The following MLIP variants were observed in gnomAD, a reference collection of about 807,000 sequenced individuals.
MLIP encodes muscular LMNA-interacting protein.
In MLIP, 79 loss-of-function variants were observed where a neutral mutation model predicts 84.8. The observed-to-expected ratio is 0.93, with a 90% CI of 0.78 to 1.12. MLIP has a LOEUF of 1.12. Among genes scored for constraint, MLIP ranks in the 50% most tolerant of loss-of-function variants. The pLI is 0.00. For synonymous variants in MLIP, 504 were observed against 463.0 expected, an observed-to-expected ratio of 1.09 and a Z score of -1.14; for missense variants, 1,257 against 1,160.6, an observed-to-expected ratio of 1.08 and a Z score of -1.21.
chr6:54,080,569 G>A (rs113875333), intron 1 of MLIP, among the ~76,000 whole-genome samples: 17 of 151,590 alleles, frequency 1.1e-4, no homozygotes, highest in African/African-American at 2.7e-4. Flanking sequence ...ATTATACAGC[G>A]ATAGTTTTGC....
intron 11 of MLIP, chr6:54,215,055 C>A: frequency 1.1e-6 from 1 of 933,328 alleles, no homozygotes; most frequent in Non-Finnish European, 1.6e-6. Context: ...ATTCTGGACC[C>A]TGGTCTCTGC....
At chr6:54,252,668 G>C (rs866836142) in intron 12 of MLIP, among the ~76,000 whole-genome samples, 1 of 151,498 alleles carries the variant, frequency 6.6e-6, no homozygotes, top group Middle Eastern at 3.4e-3. Flanking sequence ...GTTTATATGA[G>C]ATCTTTAGCT....
rs1783673710 is a variant in MLIP at position 54,266,233 on chromosome 6, G to A, written c.*278G>A. 1 of 346,346 alleles carries A rather than the reference G, an allele frequency of 2.9e-6. No individual in the cohort carries two copies. Among genetic ancestry groups the A allele is most frequent in the East Asian group, 4.6e-5 (1 of 21,974 alleles). 21.5% of individuals were successfully genotyped at this position (346,346 alleles called of 1,614,324 possible). On this transcript the variant is annotated 3_prime_UTR_variant, in exon 14 of 14. Coordinates refer to ENST00000502396, the MANE Select transcript of MLIP (RefSeq NM_001281747.2). ...ATTAAGCTGACCGCAATACTAACGT[G>A]CCCCTATATTTGGCAGCCAAATAAA...
In MLIP at chr6:54,215,000, C is replaced by T. The variant is rs917391880; in HGVS notation, c.2718+12767C>T. On this transcript the variant is annotated intron_variant, in intron 11 of 13. Transcript: ENST00000502396. ...GTGATTCCCCAGGAAATAAAGGAGACGATATCCCTCCCTCATGTAGCTTAG... is the reference window on the plus strand; with the variant it reads ...GTGATTCCCCAGGAAATAAAGGAGATGATATCCCTCCCTCATGTAGCTTAG... The T allele has an allele frequency of 1.0e-4, 59 of 592,526 alleles. 1 individual carries two copies. Among genetic ancestry groups the T allele is most frequent in the South Asian group, 8.2e-4 (36 of 44,026 alleles). 36.7% of individuals were successfully genotyped at this position (592,526 alleles called of 1,614,324 possible).
At chr6:54,254,770 T>G (rs1782887209) in intron 12 of MLIP, among the ~76,000 whole-genome samples, 2 of 140,940 alleles carry the variant, frequency 1.4e-5, no homozygotes, top group Non-Finnish European at 1.5e-5. Context: ...CTTCCTTCCC[T>G]TCCTCCCTCC....
In MLIP at chr6:54,202,113, T is replaced by A; in HGVS notation, c.2598T>A (p.Pro866=). The A allele has an allele frequency of 6.3e-7, 1 of 1,584,834 alleles. No homozygotes were observed. The change falls in exon 11 of 14, where the codon CCT becomes CCA. Residue 866 remains proline (P), a synonymous_variant. Coordinates refer to ENST00000502396, the MANE Select transcript of MLIP (RefSeq NM_001281747.2). ...STVSESQLTK[P]GVIRPVPVKS... is the part of the protein sequence containing the mutation. Reference sequence around the variant, plus strand: ...ATTTTACATTCATGAAGACTAAGCCTGGAGTAATTCGCCCAGTACCTGTAA... The same window carrying A: ...ATTTTACATTCATGAAGACTAAGCCAGGAGTAATTCGCCCAGTACCTGTAA...
chr6:54,050,765 G>A (rs1043777804), intron 1 of MLIP, among the ~76,000 whole-genome samples: 28 of 152,034 alleles, frequency 1.8e-4, no homozygotes, highest in African/African-American at 6.8e-4. Flanking sequence ...AGCTGTATGG[G>A]CATCATGGTA....
At chr6:54,100,799 A>G (rs778724364) in intron 1 of MLIP, among the ~76,000 whole-genome samples, 1 of 152,128 alleles carries the variant, frequency 6.6e-6, no homozygotes, top group Non-Finnish European at 1.5e-5. Flanking sequence ...TCTTGCCTTC[A>G]TGGATGATTG....
chr6:54,192,710 T>A (rs923134027), intron 10 of MLIP, among the ~76,000 whole-genome samples: 24 of 152,042 alleles, frequency 1.6e-4, no homozygotes, highest in Non-Finnish European at 5.9e-5. Flanking sequence ...TATATACACA[T>A]CTTTGTTTAT....
chr6:54,078,837 G>A (rs186694040), intron 1 of MLIP, among the ~76,000 whole-genome samples: 14 of 151,760 alleles, frequency 9.2e-5, no homozygotes, highest in South Asian at 4.2e-4. Flanking sequence ...GATTATAGGC[G>A]CCTGCCACCA....
intron 12 of MLIP, among the ~76,000 whole-genome samples, chr6:54,253,047 A>G (rs1243698399): frequency 6.6e-6 from 1 of 152,088 alleles, no homozygotes; most frequent in Non-Finnish European, 1.5e-5. Context: ...TAATTTATTC[A>G]TTCAGTGTCT....
chr6:54,262,333 G>C (rs191420179), intron 13 of MLIP, among the ~76,000 whole-genome samples: 43 of 152,132 alleles, frequency 2.8e-4, no homozygotes, highest in African/African-American at 9.6e-4. Context: ...GCAAAGACGA[G>C]AAGAAATCTC....
chr6:54,140,869 T>C (rs551217398), intron 4 of MLIP, among the ~76,000 whole-genome samples: 22 of 152,314 alleles, frequency 1.4e-4, no homozygotes, highest in Non-Finnish European at 2.6e-4. Flanking sequence ...TATTGAAGAA[T>C]TTATATGCTT....
intron 10 of MLIP, among the ~76,000 whole-genome samples, chr6:54,199,496 G>T (rs1778526104): frequency 6.6e-6 from 1 of 152,088 alleles, no homozygotes; most frequent in Non-Finnish European, 1.5e-5. Context: ...GGGTCCTCAA[G>T]GATTTTGAAG....
Position 54,124,536 on chromosome 6 carries a change from T to C in MLIP, c.316T>C (p.Leu106=), listed in dbSNP as rs944913479. Residue 106 remains leucine (L), a synonymous_variant, in exon 3 of 14, where the codon TTG becomes CTG. Transcript: ENST00000502396. ...GSQQERDQAK[L]TCPSEVSGTI... is the part of the protein sequence containing the mutation. The stretch of plus-strand genomic sequence containing the variant: ...CCAACAAGAGAGAGACCAAGCGAAA[T>C]TGACTTGTCCTTCAGAGGTCAGTGG... 9 of 1,614,144 alleles carry C rather than the reference T, an allele frequency of 5.6e-6. No homozygotes were observed. Among genetic ancestry groups the C allele is most frequent in the African/African-American group, 2.7e-5 (2 of 75,038 alleles).
chr6:54,213,090 AT>A (rs1285837181), intron 11 of MLIP, among the ~76,000 whole-genome samples: 1 of 152,200 alleles, frequency 6.6e-6, no homozygotes, highest in Non-Finnish European at 1.5e-5. Flanking sequence ...GTGTTTCATA[AT>A]TATAAAAGAC....
intron 1 of MLIP, among the ~76,000 whole-genome samples, chr6:54,095,375 C>A (rs1768138581): frequency 6.6e-6 from 1 of 152,128 alleles, no homozygotes; most frequent in Non-Finnish European, 1.5e-5. Context: ...TCTCAGCTAA[C>A]CCACCTTAGA....
At chr6:54,216,174 G>C in intron 11 of MLIP, 4 of 985,208 alleles carry the variant, frequency 4.1e-6, no homozygotes, top group Non-Finnish European at 3.6e-6. Flanking sequence ...AATGTTTCTT[G>C]TTATCATTTC....
At chr6:54,248,944 A>T (rs2150861475) in intron 12 of MLIP, among the ~76,000 whole-genome samples, 1 of 152,272 alleles carries the variant, frequency 6.6e-6, no homozygotes, top group African/African-American at 2.4e-5. Context: ...GGGAGTACAC[A>T]AAAGAATGTA....
Sources: gnomAD v4.1 joint callset for allele counts (sites outside exome capture counted in the v4.1 genomes callset) on GRCh38, gnomAD v4.1.1 for gene constraint, MANE v1.5 for transcripts, NCBI Gene and HGNC (gene_info 2026-07-23, HGNC 2026-07-21) for gene names.